Variants in SUMF1 observed in about 807,000 individuals in gnomAD.
SUMF1 encodes formylglycine-generating enzyme.
Under a neutral mutation model 47.6 loss-of-function variants are expected in SUMF1, and 48 were observed. The ratio of observed to expected loss-of-function variants is 1.01; its 90% CI spans 0.80 to 1.28. The LOEUF (loss-of-function observed/expected upper bound fraction) is 1.28. Among genes scored for constraint, SUMF1 ranks in the 50% most tolerant of loss-of-function variants. The probability of loss-of-function intolerance (pLI) is 0.00; values close to 1 mark genes in which losing one functional copy is unlikely to be tolerated. For synonymous variants in SUMF1, 230 were observed against 192.1 expected, an observed-to-expected ratio of 1.20 and a Z score of -1.63; for missense variants, 571 against 485.4, an observed-to-expected ratio of 1.18 and a Z score of -1.66.
chr3:4,389,796 C>G (rs1444188350), intron 7 of SUMF1, among the ~76,000 whole-genome samples: 1 of 152,144 alleles, frequency 6.6e-6, no homozygotes, highest in Non-Finnish European at 1.5e-5. Context: ...ATTTTCAGTT[C>G]TAAAATTTGC....
intron 7 of SUMF1, among the ~76,000 whole-genome samples, chr3:4,383,320 A>C (rs967045608): frequency 6.6e-6 from 1 of 152,354 alleles, no homozygotes; most frequent in Non-Finnish European, 1.5e-5. Flanking sequence ...CGGAGGCTGC[A>C]GTGAGCCAAG....
At chr3:4,094,283 A>G (rs151016917) in intron 8 of SUMF1, among the ~76,000 whole-genome samples, 48 of 152,170 alleles carry the variant, frequency 3.2e-4, no homozygotes, top group African/African-American at 1.1e-3. Flanking sequence ...ATTTATTGGT[A>G]TTTCTCCTGA....
rs558362799 is a variant in SUMF1 at position 4,194,471 on chromosome 3, G to A, written c.1015-125726C>T. ...GAAACTCAAGAAGCCTACCCCTCAGGCAGGAGCCTGGAGAAAAGCCCACCG... is the reference window on the plus strand; with the variant it reads ...GAAACTCAAGAAGCCTACCCCTCAGACAGGAGCCTGGAGAAAAGCCCACCG... On this transcript the variant is annotated intron_variant and NMD_transcript_variant, in intron 8 of 12. Coordinates refer to the SUMF1 transcript ENST00000448413. Among the ~76,000 whole-genome samples the A allele has an allele frequency of 3.3e-5, 5 of 152,268 alleles. No homozygotes were observed. The South Asian group carries it at 8.3e-4, about 25-fold the overall frequency.
At chr3:4,409,430 G>A (rs1223033213) in intron 7 of SUMF1, among the ~76,000 whole-genome samples, 1 of 152,172 alleles carries the variant, frequency 6.6e-6, no homozygotes, top group Non-Finnish European at 1.5e-5. Flanking sequence ...TAAATCCTTA[G>A]AAGAAACACA....
intron 8 of SUMF1, among the ~76,000 whole-genome samples, chr3:4,353,338 C>T (rs1446671439): frequency 2.6e-5 from 4 of 152,162 alleles, no homozygotes; most frequent in South Asian, 2.1e-4. Flanking sequence ...CTGCAAACTC[C>T]GCCTCCCAGG....
At chr3:4,063,272 A>G (rs1364421403) in intron 9 of SUMF1, among the ~76,000 whole-genome samples, 7 of 152,072 alleles carry the variant, frequency 4.6e-5, no homozygotes, top group Admixed American at 6.6e-5. Context: ...CCAGACCACT[A>G]TAACTGAACA....
intron 7 of SUMF1, among the ~76,000 whole-genome samples, chr3:4,383,270 T>C (rs986727647): frequency 3.9e-5 from 6 of 151,978 alleles, no homozygotes; most frequent in Admixed American, 2.6e-4. Context: ...TTCCAGCTTT[T>C]AGGGATGCTG....
intron 7 of SUMF1, among the ~76,000 whole-genome samples, chr3:4,393,167 C>T (rs1242340340): frequency 3.9e-5 from 6 of 152,126 alleles, no homozygotes; most frequent in African/African-American, 9.7e-5. Flanking sequence ...CAACTGCTAC[C>T]GTGGGCTAGT....
chr3:4,280,283 A>C (rs1697500727), intron 8 of SUMF1, among the ~76,000 whole-genome samples: 1 of 152,158 alleles, frequency 6.6e-6, no homozygotes, highest in Non-Finnish European at 1.5e-5. Flanking sequence ...GTAACCAAAG[A>C]TGTAATCAAG....
At chr3:4,339,810 C>T (rs1469058760) in intron 8 of SUMF1, among the ~76,000 whole-genome samples, 1 of 152,196 alleles carries the variant, frequency 6.6e-6, no homozygotes, top group Non-Finnish European at 1.5e-5. Flanking sequence ...GGCATGGTGG[C>T]TCACGCCTGT....
At chr3:4,374,953 A>C (rs1700278636) in intron 8 of SUMF1, among the ~76,000 whole-genome samples, 1 of 152,034 alleles carries the variant, frequency 6.6e-6, no homozygotes, top group South Asian at 2.1e-4. Context: ...TCCTGAGCCC[A>C]AATGTTCAAG....
intron 8 of SUMF1, among the ~76,000 whole-genome samples, chr3:4,132,884 C>T (rs1033723633): frequency 2.0e-5 from 3 of 152,036 alleles, no homozygotes; most frequent in Non-Finnish European, 4.4e-5. Context: ...CATTACCATG[C>T]CCTGTGATTA....
chr3:4,222,747 T>C (rs771655286), intron 8 of SUMF1, among the ~76,000 whole-genome samples: 2 of 152,128 alleles, frequency 1.3e-5, no homozygotes, highest in Non-Finnish European at 2.9e-5. Flanking sequence ...GGTTCATTAT[T>C]ACAGAACATA....
chr3:4,289,491 T>C (rs558092369), intron 8 of SUMF1, among the ~76,000 whole-genome samples: 20 of 152,158 alleles, frequency 1.3e-4, no homozygotes, highest in Admixed American at 7.9e-4. Context: ...ACACTAGCAA[T>C]TAGAGACCTA....
chr3:4,286,687 T>C (rs960863692), intron 8 of SUMF1, among the ~76,000 whole-genome samples: 3 of 152,258 alleles, frequency 2.0e-5, no homozygotes, highest in East Asian at 3.9e-4. Context: ...TTAAAGCTTA[T>C]AAAATAATAA....
chr3:4,383,804 T>C (rs1700585136), intron 7 of SUMF1, among the ~76,000 whole-genome samples: 1 of 152,128 alleles, frequency 6.6e-6, no homozygotes, highest in Non-Finnish European at 1.5e-5. Context: ...ACTAGAAAAA[T>C]CTGTAACTCT....
At chr3:4,413,605 C>G (rs139729128) in intron 6 of SUMF1, among the ~76,000 whole-genome samples, 1 of 152,142 alleles carries the variant, frequency 6.6e-6, no homozygotes, top group African/African-American at 2.4e-5. Flanking sequence ...TATGAGAATA[C>G]TCCTGGCACA....
At chr3:4,368,728 G>A (rs1413998303) in intron 8 of SUMF1, among the ~76,000 whole-genome samples, 1 of 152,154 alleles carries the variant, frequency 6.6e-6, no homozygotes, top group Admixed American at 6.5e-5. Context: ...ACATAAGAGA[G>A]CCTAACGCAC....
intron 1 of SUMF1, among the ~76,000 whole-genome samples, chr3:4,464,423 T>G (rs1420027947): frequency 6.6e-6 from 1 of 151,884 alleles, no homozygotes; most frequent in Non-Finnish European, 1.5e-5. Flanking sequence ...TGTGTGTGTG[T>G]GTGTGTGTGA....
Sources: gnomAD v4.1 joint callset for allele counts (sites outside exome capture counted in the v4.1 genomes callset) on GRCh38, gnomAD v4.1.1 for gene constraint, MANE v1.5 for transcripts, NCBI Gene and HGNC (gene_info 2026-07-23, HGNC 2026-07-21) for gene names.